The following MEF2C variants were observed in gnomAD, a reference collection of about 807,000 sequenced individuals.
The protein encoded by MEF2C is myocyte enhancer factor 2C.
In MEF2C, 6 loss-of-function variants were observed where a neutral mutation model predicts 50.5. That is an observed-to-expected ratio of 0.12 (90% CI 0.07 to 0.23). The LOEUF (loss-of-function observed/expected upper bound fraction) is 0.23. Among genes scored for constraint, MEF2C ranks in the 10% least tolerant of loss-of-function variants. The pLI is 1.00. For synonymous variants in MEF2C, 183 were observed against 228.0 expected (o/e 0.80, Z 1.78); for missense variants, 276 against 605.0 (o/e 0.46, Z 5.70).
At chr5:88,768,038 C>T (rs1007336569) in intron 3 of MEF2C, among the ~76,000 whole-genome samples, 1 of 152,174 alleles carries the variant, frequency 6.6e-6, no homozygotes, top group African/African-American at 2.4e-5. Context: ...AATATCTGTT[C>T]CTCCTTCAAA....
rs144552709 is a variant in MEF2C, at chr5:88,730,313, A to G, written c.811-79T>C. On this transcript the variant is annotated intron_variant, in intron 7 of 10. Transcript: ENST00000504921. ...TGGGCAAAATCTTTTCAACAAAAGG[A>G]AAAGCATCTTCCGATAGACACAACA... 2,218 of 1,452,436 alleles carry G rather than the reference A, an allele frequency of 1.5e-3. 9 individuals carry two copies. The highest frequency in any genetic ancestry group is 3.8e-3 in the South Asian group (309 of 82,034). The allele number at this position is 1,452,436 out of a possible 1,614,324, so 90.0% of individuals were successfully genotyped here.
chr5:88,883,433 T>G (rs1158604486), upstream of MEF2C: 1 of 143,454 alleles, frequency 7.0e-6, no homozygotes, highest in Non-Finnish European at 1.5e-5. Flanking sequence ...AGGAAGGAAG[T>G]GACAGAAGAC....
At chr5:88,838,059 C>G (rs1198833351) in intron 1 of MEF2C, among the ~76,000 whole-genome samples, 1 of 152,158 alleles carries the variant, frequency 6.6e-6, no homozygotes, top group East Asian at 1.9e-4. Context: ...TATCAATATA[C>G]CAATATTGGA....
intron 3 of MEF2C, among the ~76,000 whole-genome samples, chr5:88,790,722 G>T (rs1206243675): frequency 6.6e-6 from 1 of 152,036 alleles, no homozygotes; most frequent in Non-Finnish European, 1.5e-5. Context: ...TCTCACCAAA[G>T]AAAAAATTGT....
rs528335499 is a variant in MEF2C at position 88,866,664 on chromosome 5, A to G, written c.-143+16291T>C. ...GCACTTGATGAATAAACTTGATATA[A>G]TATTTCTTATTTTCAAATATAATAT... is the stretch of plus-strand genomic sequence containing the variant. On this transcript the variant is annotated intron_variant, in intron 1 of 10. Transcript: ENST00000504921. Among the ~76,000 whole-genome samples the G allele has an allele frequency of 3.9e-5, 6 of 152,216 alleles. No individual in the cohort carries two copies. In the East Asian group the frequency reaches 9.6e-4, roughly 24 times the overall value.
chr5:88,871,778 A>C (rs769138580), intron 1 of MEF2C, among the ~76,000 whole-genome samples: 2 of 152,016 alleles, frequency 1.3e-5, no homozygotes, highest in Non-Finnish European at 2.9e-5. Context: ...ACAATTCTGC[A>C]TTTTCTATAC....
At chr5:88,784,275 A>G (rs1477328591) in intron 3 of MEF2C, among the ~76,000 whole-genome samples, 1 of 152,228 alleles carries the variant, frequency 6.6e-6, no homozygotes, top group African/African-American at 2.4e-5. Context: ...TAGTCAAATC[A>G]ATATCAGCTA....
At position 88,726,734 on chromosome 5, in the gene MEF2C, T is replaced by C. The variant is rs552635575; in HGVS notation, c.1100+1759A>G. 9.7e-4 allele frequency among the ~76,000 whole-genome samples: 148 copies of C among 152,276 alleles called. 3 individuals carry two copies. The South Asian group carries it at 0.011, about 11-fold the overall frequency. On this transcript the variant is annotated intron_variant, in intron 10 of 10. Coordinates refer to ENST00000504921, the MANE Select transcript of MEF2C (RefSeq NM_002397.5). Reference sequence around the variant, plus strand: ...AATTCAGTTCCTTTCTGTCTAAGGCTGTCCCTCCTTTCTCATTTTCTGAAA... The same window carrying C: ...AATTCAGTTCCTTTCTGTCTAAGGCCGTCCCTCCTTTCTCATTTTCTGAAA...
At chr5:88,821,592 T>C (rs1808388859) in intron 2 of MEF2C, among the ~76,000 whole-genome samples, 1 of 151,926 alleles carries the variant, frequency 6.6e-6, no homozygotes, top group African/African-American at 2.4e-5. Flanking sequence ...TGTCATTTGT[T>C]ACAACATGAG....
chr5:88,857,214 C>G (rs964738725), intron 1 of MEF2C, among the ~76,000 whole-genome samples: 1 of 152,222 alleles, frequency 6.6e-6, no homozygotes, highest in South Asian at 2.1e-4. Context: ...GGATTTTGGG[C>G]TTGCTTGGGG....
intron 1 of MEF2C, among the ~76,000 whole-genome samples, chr5:88,857,753 A>C (rs767203329): frequency 1.3e-5 from 2 of 152,184 alleles, no homozygotes; most frequent in Non-Finnish European, 2.9e-5. Flanking sequence ...TTCTGCCACA[A>C]TTCTAAGTTT....
At chr5:88,744,014 T>A in intron 6 of MEF2C, 2 of 966,872 alleles carry the variant, frequency 2.1e-6, no homozygotes, top group Non-Finnish European at 2.5e-6. Flanking sequence ...CCTAAAGGTT[T>A]TTCATTTCTT....
At chr5:88,831,951 C>A (rs542772181) in intron 1 of MEF2C, among the ~76,000 whole-genome samples, 4 of 152,238 alleles carry the variant, frequency 2.6e-5, no homozygotes, top group African/African-American at 9.6e-5. Flanking sequence ...AACCACATGG[C>A]TCATGGGCTT....
intron 1 of MEF2C, chr5:88,877,926 C>T (rs1831571774): frequency 6.6e-6 from 1 of 151,940 alleles, no homozygotes; most frequent in Non-Finnish European, 1.5e-5. Flanking sequence ...TCTCATGCTG[C>T]TATTCACTTA....
At chr5:88,774,454 C>G (rs998960799) in intron 3 of MEF2C, among the ~76,000 whole-genome samples, 1 of 151,876 alleles carries the variant, frequency 6.6e-6, no homozygotes, top group Non-Finnish European at 1.5e-5. Context: ...TCCCGAGTAG[C>G]TGGGACTACA....
chr5:88,731,968 C>G, intron 6 of MEF2C, 67 bp from the exon 7 acceptor site: 1 of 1,399,984 alleles, frequency 7.1e-7, no homozygotes, highest in South Asian at 1.4e-5. Context: ...GAAGAATACA[C>G]AACATGAGAA....
chr5:88,792,687 A>G (rs1280987219), intron 3 of MEF2C, among the ~76,000 whole-genome samples: 6 of 152,198 alleles, frequency 3.9e-5, no homozygotes, highest in Non-Finnish European at 8.8e-5. Context: ...TTGAAACATG[A>G]CTAATGCAAC....
chr5:88,781,017 T>TA (rs942682791), intron 3 of MEF2C: 19 of 752,692 alleles, frequency 2.5e-5, no homozygotes, highest in Non-Finnish European at 2.9e-5. Flanking sequence ...AGAGTTCCAC[T>TA]TTTTTTTTCT....
intron 1 of MEF2C, among the ~76,000 whole-genome samples, chr5:88,872,017 A>G (rs1829666639): frequency 6.6e-6 from 1 of 152,084 alleles, no homozygotes; most frequent in Admixed American, 6.6e-5. Context: ...ATATCTATAG[A>G]GTACCTATTA....
Sources: allele counts gnomAD v4.1 joint callset (sites outside exome capture counted in the v4.1 genomes callset), GRCh38; gene constraint gnomAD v4.1.1; transcripts MANE v1.5; gene names NCBI Gene and HGNC (gene_info 2026-07-23, HGNC 2026-07-21).